Variants in ZNF160 observed in about 807,000 individuals in gnomAD.
ZNF160 encodes the protein zinc finger protein 160, also known as KRAB zinc finger protein KR18.
In ZNF160, 9 loss-of-function variants were observed where a neutral mutation model predicts 13.1. The ratio of observed to expected loss-of-function variants is 0.69; its 90% CI spans 0.41 to 1.20. The LOEUF (loss-of-function observed/expected upper bound fraction) is 1.20. ZNF160 is among the 50% of genes most tolerant of loss of function. The pLI is 0.01. For missense variants in ZNF160, 838 were observed against 988.0 expected (o/e 0.85, Z 2.04); for synonymous variants, 293 against 333.2 (o/e 0.88, Z 1.31).
At chr19:53,088,686 G>A (rs778942222) in intron 2 of ZNF160, among the ~76,000 whole-genome samples, 5 of 152,138 alleles carry the variant, frequency 3.3e-5, no homozygotes, top group Admixed American at 6.5e-5. Context: ...ATGCATTGGA[G>A]ATCTGTTCAG....
chr19:53,102,672 C>T (rs1483625633), intron 1 of ZNF160, among the ~76,000 whole-genome samples: 3 of 152,156 alleles, frequency 2.0e-5, no homozygotes, highest in African/African-American at 7.2e-5. Context: ...GTTTTTCCAT[C>T]TCCTCTCAGT....
intron 5 of ZNF160, chr19:53,073,612 A>C: frequency 7.2e-7 from 1 of 1,388,136 alleles, no homozygotes; most frequent in East Asian, 2.5e-5. Context: ...AGAACTGAGC[A>C]CCATATGGAA....
At chr19:53,098,745 G>C (rs1452422735) in intron 1 of ZNF160, among the ~76,000 whole-genome samples, 1 of 151,482 alleles carries the variant, frequency 6.6e-6, no homozygotes, top group African/African-American at 2.5e-5. Context: ...CGCATCACCT[G>C]CTGGAAGGCA....
At chr19:53,090,704 G>A (rs2085001766) in intron 2 of ZNF160, among the ~76,000 whole-genome samples, 1 of 152,158 alleles carries the variant, frequency 6.6e-6, no homozygotes, top group South Asian at 2.1e-4. Flanking sequence ...GAGCAAGATG[G>A]GAGGGTGTCT....
At chr19:53,073,048 A>T (rs1330123345) in intron 5 of ZNF160, 2 of 653,334 alleles carry the variant, frequency 3.1e-6, no homozygotes, top group African/African-American at 1.9e-5. Flanking sequence ...GATGGAAACA[A>T]GCCTATTACC....
At chr19:53,073,228 T>C in intron 5 of ZNF160, 1 of 1,450,570 alleles carries the variant, frequency 6.9e-7, no homozygotes, top group Non-Finnish European at 9.0e-7. Flanking sequence ...GCAGTACTTG[T>C]ATTTCTGTGC....
chr19:53,101,741 T>A lies in ZNF160; in HGVS notation c.-354+1524A>T, dbSNP rs529350418. Among the ~76,000 whole-genome samples the A allele has an allele frequency of 5.9e-5, 9 of 152,164 alleles. No homozygotes were observed. In the East Asian group the frequency reaches 1.5e-3, roughly 26 times the overall value. ...AAACAGGAAGAGGGAGACCCATAAC[T>A]GAATGAGGCAAGTCACTGCCCAATG... On this transcript the variant is annotated intron_variant, in intron 1 of 5. Coordinates refer to ENST00000683776, the MANE Select transcript of ZNF160 (RefSeq NM_001322131.2).
At chr19:53,083,164 A>G (rs2084697509) in intron 3 of ZNF160, among the ~76,000 whole-genome samples, 1 of 152,156 alleles carries the variant, frequency 6.6e-6, no homozygotes, top group Admixed American at 6.5e-5. Flanking sequence ...TTTCATAGAA[A>G]CTTCATGAAG....
rs573444676 is a variant in ZNF160 at position 53,087,749 on chromosome 19, G to A, written c.-45-1428C>T. On this transcript the variant is annotated intron_variant, in intron 2 of 5. Coordinates refer to ENST00000683776, the MANE Select transcript of ZNF160 (RefSeq NM_001322131.2). ...GTATTTTTAGTAGAGATAGGGTTTC[G>A]CCATGTTGGCCAGGCTGGTCTCAAA... Among the ~76,000 whole-genome samples the A allele has an allele frequency of 7.2e-5, 11 of 152,150 alleles. No individual in the cohort carries two copies. In the East Asian group the frequency reaches 9.7e-4, roughly 13 times the overall value.
At chr19:53,083,739 A>C (rs995590237) in intron 3 of ZNF160, among the ~76,000 whole-genome samples, 5 of 152,162 alleles carry the variant, frequency 3.3e-5, no homozygotes, top group African/African-American at 1.2e-4. Context: ...GTCTCTACAA[A>C]AAACAAAAAC....
chr19:53,088,138 C>G (rs374341904), intron 2 of ZNF160, among the ~76,000 whole-genome samples: 211 of 152,188 alleles, frequency 1.4e-3, no homozygotes, highest in African/African-American at 4.9e-3. Context: ...AGAAAGTGAT[C>G]AGAGTGGCAA....
intron 1 of ZNF160, among the ~76,000 whole-genome samples, chr19:53,096,485 G>C (rs539905533): frequency 1.9e-3 from 293 of 150,694 alleles, no homozygotes; most frequent in African/African-American, 6.9e-3. Context: ...CTGAGGCTCA[G>C]CAGACCCACG....
intron 3 of ZNF160, among the ~76,000 whole-genome samples, chr19:53,077,814 TC>T (rs1178701277): frequency 6.6e-6 from 1 of 151,938 alleles, no homozygotes; most frequent in Non-Finnish European, 1.5e-5. Flanking sequence ...CTAAAGTTGC[TC>T]AGTGTATTAA....
chr19:53,074,341 G>A (rs1173138722), intron 4 of ZNF160, 73 bp from the exon 5 acceptor site: 3 of 1,569,446 alleles, frequency 1.9e-6, no homozygotes, highest in Non-Finnish European at 2.6e-6. Context: ...TACATGAGAG[G>A]ACATTATATG....
chr19:53,101,663 C>T (rs953027091), intron 1 of ZNF160, among the ~76,000 whole-genome samples: 3 of 152,140 alleles, frequency 2.0e-5, no homozygotes, highest in African/African-American at 7.2e-5. Flanking sequence ...GGCAGTGACA[C>T]AGCCAGTCAC....
intron 2 of ZNF160, among the ~76,000 whole-genome samples, chr19:53,089,003 G>T (rs771307989): frequency 1.3e-5 from 2 of 152,180 alleles, no homozygotes; most frequent in African/African-American, 2.4e-5. Context: ...TTTCCATCTG[G>T]CTGTTCATCT....
chr19:53,080,180 C>A (rs1403233984), intron 3 of ZNF160, among the ~76,000 whole-genome samples: 1 of 151,480 alleles, frequency 6.6e-6, no homozygotes, highest in Non-Finnish European at 1.5e-5. Context: ...CTCACCACAA[C>A]CTCTGCCTCC....
rs757051091 is a variant in ZNF160, at chr19:53,068,621, G to A, written c.1913C>T (p.Thr638Ile). Residue 638 changes from threonine (T) to isoleucine (I), a missense_variant, in exon 6 of 6, where the codon ACT (threonine) becomes ATT (isoleucine). Thr to Ile is a moderately conservative substitution (Grantham distance 89, BLOSUM62 -1). Coordinates refer to ENST00000683776, the MANE Select transcript of ZNF160 (RefSeq NM_001322131.2). Reference sequence around the variant, plus strand: ...CTCTCCAGTATGAATTCGCCGATGAGTTGCAAGGTATGAATTGTGCCTAAA... The same window carrying A: ...CTCTCCAGTATGAATTCGCCGATGAATTGCAAGGTATGAATTGTGCCTAAA... ...KVFRHNSYLA[T>I]HRRIHTGEKP... is the part of the protein sequence containing the mutation. 6.2e-7 allele frequency: 1 copy of A among 1,611,158 alleles called. No individual in the cohort carries two copies. Among genetic ancestry groups the A allele is most frequent in the Non-Finnish European group, 8.5e-7 (1 of 1,179,160 alleles).
At chr19:53,102,080 T>C (rs2085467242) in intron 1 of ZNF160, among the ~76,000 whole-genome samples, 1 of 152,110 alleles carries the variant, frequency 6.6e-6, no homozygotes, top group Non-Finnish European at 1.5e-5. Flanking sequence ...ATTCTGACGA[T>C]GTTGTGCCTC....
Sources: allele counts gnomAD v4.1 joint callset (sites outside exome capture counted in the v4.1 genomes callset), GRCh38; gene constraint gnomAD v4.1.1; transcripts MANE v1.5; gene names NCBI Gene and HGNC (gene_info 2026-07-23, HGNC 2026-07-21).